The following TMEM232 variants were observed in gnomAD, a reference collection of about 807,000 sequenced individuals.
TMEM232 encodes the protein transmembrane protein 232.
TMEM232 carries 80 observed loss-of-function variants against 78.8 expected under a neutral mutation model. The observed-to-expected ratio is 1.01, with a 90% CI of 0.85 to 1.22. The LOEUF (loss-of-function observed/expected upper bound fraction) is 1.22. Ranked by LOEUF, TMEM232 falls within the 50% of genes most tolerant of loss-of-function variation. TMEM232 has a pLI of 0.00. For synonymous variants in TMEM232, 297 were observed against 254.3 expected (o/e 1.17, Z -1.60); for missense variants, 881 against 742.2 (o/e 1.19, Z -2.17).
intron 11 of TMEM232, among the ~76,000 whole-genome samples, chr5:110,548,664 C>A (rs1774081174): frequency 6.6e-6 from 1 of 151,650 alleles, no homozygotes; most frequent in African/African-American, 2.4e-5. Context: ...GAAATATATA[C>A]AAATATATTG....
chr5:110,507,056 T>C (rs1426819007), intron 12 of TMEM232, among the ~76,000 whole-genome samples: 2 of 152,180 alleles, frequency 1.3e-5, no homozygotes, highest in East Asian at 1.9e-4. Flanking sequence ...TTTACAGTAC[T>C]ACTACTCACT....
intron 10 of TMEM232, among the ~76,000 whole-genome samples, chr5:110,599,004 A>G (rs1184556947): frequency 1.3e-5 from 2 of 151,902 alleles, no homozygotes; most frequent in African/African-American, 2.4e-5. Context: ...TAAAACTTAA[A>G]GTATAATAAT....
chr5:110,412,113 C>A (rs1756019797), intron 2 of TMEM232, among the ~76,000 whole-genome samples: 1 of 152,126 alleles, frequency 6.6e-6, no homozygotes, highest in Non-Finnish European at 1.5e-5. Flanking sequence ...AACAAATCCA[C>A]TCAGTTTTCA....
chr5:110,611,503 G>A (rs1221940051), intron 8 of TMEM232, among the ~76,000 whole-genome samples: 1 of 152,100 alleles, frequency 6.6e-6, no homozygotes, highest in Non-Finnish European at 1.5e-5. Context: ...CAGAGATGGG[G>A]CACTAACTGT....
chr5:110,651,477 A>C (rs1217762381), intron 2 of TMEM232, among the ~76,000 whole-genome samples: 1 of 147,980 alleles, frequency 6.8e-6, no homozygotes, highest in East Asian at 2.1e-4. Context: ...AGAGGGAAGG[A>C]GGGAGGGAGG....
At chr5:110,541,115 CAATGGAG>C (rs1028856900) in intron 11 of TMEM232, among the ~76,000 whole-genome samples, 7 of 152,082 alleles carry the variant, frequency 4.6e-5, no homozygotes, top group Non-Finnish European at 1.0e-4. Flanking sequence ...TCAAACAGCC[CAATGGAG>C]AATTATAAAA....
chr5:110,605,053 T>G (rs566614852), intron 10 of TMEM232, 56 bp downstream of exon 10: 1 of 1,441,264 alleles, frequency 6.9e-7, no homozygotes, highest in Non-Finnish European at 9.3e-7. Context: ...TATTACTATA[T>G]GTAGACAGTG....
In TMEM232 at chr5:110,618,464, G is replaced by T; in HGVS notation, c.867C>A (p.Leu289=). The change falls in exon 8 of 14, where the codon CTC becomes CTA. Residue 289 remains leucine, a synonymous_variant. Transcript: ENST00000455884. ...SPQLNNVLEH[L]VFHKTQLQKK... ...TTTGAAGCTGTGTCTTATGGAAGAC[G>T]AGATGTTCAAGCACGTTATTCAACT... 6.4e-7 allele frequency: 1 copy of T among 1,551,452 alleles called. No individual in the cohort carries two copies. The highest frequency in any genetic ancestry group is 1.2e-5 in the South Asian group (1 of 84,032).
chr5:110,504,910 C>T (rs1321969573), intron 12 of TMEM232, among the ~76,000 whole-genome samples: 2 of 152,188 alleles, frequency 1.3e-5, no homozygotes, highest in African/African-American at 4.8e-5. Context: ...TAAAATTAGC[C>T]ATCACATTGT....
chr5:110,479,676 T>A (rs909053951), intron 12 of TMEM232, among the ~76,000 whole-genome samples: 21 of 151,844 alleles, frequency 1.4e-4, no homozygotes, highest in Admixed American at 5.3e-4. Context: ...ATTTTGGGTT[T>A]TTTTAGTTGA....
intron 3 of TMEM232, among the ~76,000 whole-genome samples, chr5:110,390,835 C>G (rs192138153): frequency 6.6e-6 from 1 of 152,210 alleles, no homozygotes; most frequent in Non-Finnish European, 1.5e-5. Flanking sequence ...AAAGCCACGT[C>G]CCTGACTAAA....
intron 7 of TMEM232, among the ~76,000 whole-genome samples, chr5:110,623,620 G>T (rs115101664): frequency 1.7e-3 from 261 of 152,224 alleles, no homozygotes; most frequent in African/African-American, 5.8e-3. Flanking sequence ...CTGTACTGGA[G>T]AAACTGGGCT....
chr5:110,698,472 C>T (rs1290877961), intron 1 of TMEM232, among the ~76,000 whole-genome samples: 3 of 151,906 alleles, frequency 2.0e-5, no homozygotes, highest in Admixed American at 6.6e-5. Flanking sequence ...AGGTATAATG[C>T]CTTTTACTTA....
chr5:110,559,637 C>G (rs1775519159), intron 11 of TMEM232, among the ~76,000 whole-genome samples: 1 of 152,118 alleles, frequency 6.6e-6, no homozygotes, highest in Non-Finnish European at 1.5e-5. Context: ...TATTATACAT[C>G]CATCAGAATG....
At chr5:110,470,421 C>G (rs115994352) in intron 12 of TMEM232, among the ~76,000 whole-genome samples, 2,941 of 152,126 alleles carry the variant, frequency 0.019, 88 homozygotes, top group African/African-American at 0.068. Context: ...ACCTGGAACC[C>G]CTGCTTCATA....
intron 4 of TMEM232, among the ~76,000 whole-genome samples, chr5:110,389,268 C>CAAACAAACA (rs6149176): frequency 4.2e-4 from 64 of 151,250 alleles, no homozygotes; most frequent in Non-Finnish European, 4.4e-5. Context: ...CTCAAACAAA[C>CAAACAAACA]AAACAAAACA....
intron 11 of TMEM232, among the ~76,000 whole-genome samples, chr5:110,567,839 T>A (rs1776516200): frequency 6.6e-6 from 1 of 151,858 alleles, no homozygotes; most frequent in African/African-American, 2.4e-5. Context: ...AATGCTCAAG[T>A]GAGAGAATAG....
At chr5:110,421,691 A>G (rs554142897) in intron 13 of TMEM232, among the ~76,000 whole-genome samples, 1 of 152,304 alleles carries the variant, frequency 6.6e-6, no homozygotes, top group Non-Finnish European at 1.5e-5. Context: ...TGAATCACAA[A>G]TAACATTTGT....
chr5:110,463,385 T>G (rs1457229724), intron 12 of TMEM232, among the ~76,000 whole-genome samples: 2 of 152,234 alleles, frequency 1.3e-5, no homozygotes, highest in East Asian at 1.9e-4. Context: ...CAGTATAGTT[T>G]AAACATAACT....
Sources: allele counts gnomAD v4.1 joint callset (sites outside exome capture counted in the v4.1 genomes callset), GRCh38; gene constraint gnomAD v4.1.1; transcripts MANE v1.5; gene names NCBI Gene and HGNC (gene_info 2026-07-23, HGNC 2026-07-21).